Variants in NPHP3 observed in about 807,000 individuals in gnomAD.
The protein encoded by NPHP3 is nephrocystin 3, also known as nephrocystin-3.
In NPHP3, 123 loss-of-function variants were observed where a neutral mutation model predicts 171.9. The ratio of observed to expected loss-of-function variants is 0.72; its 90% CI spans 0.62 to 0.83. The LOEUF (loss-of-function observed/expected upper bound fraction) is 0.83. Among genes scored for constraint, NPHP3 ranks in the 40% least tolerant of loss-of-function variants. The probability of loss-of-function intolerance (pLI) is 0.00; values close to 1 mark genes in which losing one functional copy is unlikely to be tolerated. For synonymous variants in NPHP3, 558 were observed against 579.2 expected (o/e 0.96, Z 0.52); for missense variants, 1,506 against 1,591.9 (o/e 0.95, Z 0.92).
At chr3:132,682,969 GAGA>G in intron 25 of NPHP3, 151 bp from the exon 26 acceptor site, 1 of 652,922 alleles carries the variant, frequency 1.5e-6, no homozygotes, top group Non-Finnish European at 2.7e-6. Flanking sequence ...ATAATCATAG[GAGA>G]AGCAGTATAA....
Position 132,689,147 on chromosome 3 carries a change from T to C in NPHP3, c.2810A>G (p.Asp937Gly), listed in dbSNP as rs1231984938. 7.4e-6 allele frequency: 12 copies of C among 1,614,074 alleles called. No individual in the cohort carries two copies. The highest frequency in any genetic ancestry group is 9.3e-6 in the Non-Finnish European group (11 of 1,180,018). ...AAGATCAGCTAAGCAACTCATGTTGTCCTCGCCTTCGCAGTTTTTCTCATA... is the reference window on the plus strand; with the variant it reads ...AAGATCAGCTAAGCAACTCATGTTGCCCTCGCCTTCGCAGTTTTTCTCATA... ...KQYEKNCEGE[D>G]NMSCLADLYE... The change falls in exon 20 of 27, where the codon GAC (aspartate) becomes GGC (glycine). Residue 937 changes from aspartate (D) to glycine (G), a missense_variant. Around this residue, in one of 3 missense-constraint regions of NPHP3, gnomAD observed 569 missense variants for 648.1 expected, o/e 0.88. Coordinates refer to ENST00000337331, the MANE Select transcript of NPHP3 (RefSeq NM_153240.5).
chr3:132,682,564 C>A, intron 26 of NPHP3, 139 bp downstream of exon 26: 2 of 659,060 alleles, frequency 3.0e-6, no homozygotes, highest in South Asian at 1.8e-5. Flanking sequence ...TACTTCAGTA[C>A]TTCTTGAAGT....
Position 132,711,122 on chromosome 3 carries a change from C to T in NPHP3, c.1118+2004G>A, listed in dbSNP as rs539886818. On this transcript the variant is annotated intron_variant, in intron 6 of 26. Transcript: ENST00000337331. ...GAGCTTCCAAGCTGCTCAGGAGAGG[C>T]TTTTCTAGATTCATCTTTTGGGAAG... 2.0e-5 allele frequency among the ~76,000 whole-genome samples: 3 copies of T among 152,292 alleles called. No homozygotes were observed. The South Asian group carries it at 6.2e-4, about 32-fold the overall frequency.
At chr3:132,718,267 G>T in intron 3 of NPHP3, 1 of 295,856 alleles carries the variant, frequency 3.4e-6, no homozygotes, top group Non-Finnish European at 6.5e-6. Flanking sequence ...TCTTTTTTCA[G>T]TATCAATCAC....
chr3:132,702,023 C>T (rs1240355620), intron 9 of NPHP3, among the ~76,000 whole-genome samples: 1 of 151,596 alleles, frequency 6.6e-6, no homozygotes, highest in Non-Finnish European at 1.5e-5. Flanking sequence ...AAGACTCCGT[C>T]TCAAAACAAA....
At chr3:132,721,138 G>C (rs1390261464) in intron 1 of NPHP3, among the ~76,000 whole-genome samples, 1 of 151,862 alleles carries the variant, frequency 6.6e-6, no homozygotes, top group African/African-American at 2.4e-5. Context: ...GGCTGATCTC[G>C]AACTCCTGAC....
In NPHP3 at chr3:132,722,256, C is replaced by T; in HGVS notation, c.100G>A (p.Val34Met). 1.3e-6 allele frequency: 2 copies of T among 1,575,940 alleles called. No individual in the cohort carries two copies. Among genetic ancestry groups the T allele is most frequent in the Non-Finnish European group, 1.7e-6 (2 of 1,170,232 alleles). ...GGEACEIPVE[V>M]KPKARLLRNS... ...CGCAGCAGGCGGGCCTTGGGCTTCA[C>T]CTCCACCGGGATCTCGCAGGCCTCG... The change falls in exon 1 of 27, where the codon GTG becomes ATG. Residue 34 changes from valine (V) to methionine (M), a missense_variant. This residue lies in a region of NPHP3 where 930 missense variants were observed against 924.9 expected (regional missense o/e 1.01). Coordinates refer to ENST00000337331, the MANE Select transcript of NPHP3 (RefSeq NM_153240.5).
In NPHP3 at chr3:132,719,023, T is replaced by A. The variant is rs1469163983; in HGVS notation, c.641A>T (p.Asp214Val). Residue 214 changes from aspartate (D) to valine (V), a missense_variant, in exon 3 of 27, where the codon GAT (aspartate) becomes GTT (valine). Asp to Val is a radical substitution (Grantham distance 152). This residue lies in a region of NPHP3 where 930 missense variants were observed against 924.9 expected (regional missense o/e 1.01). Coordinates refer to ENST00000337331, the MANE Select transcript of NPHP3 (RefSeq NM_153240.5). ...GACATCTGTACAGTTGTCATCTGAA[T>A]CAGACTCCCCAGGATCAAATACTTG... ...GIQVFDPGES[D>V]SDDNCTDVTA... 1.2e-6 allele frequency: 2 copies of A among 1,614,050 alleles called. No individual in the cohort carries two copies. The highest frequency in any genetic ancestry group is 2.7e-5 in the African/African-American group (2 of 74,922).
intron 9 of NPHP3, 74 bp from the exon 10 acceptor site, chr3:132,701,607 A>G: frequency 1.1e-6 from 1 of 951,232 alleles, no homozygotes; most frequent in Non-Finnish European, 1.7e-6. Flanking sequence ...ACTTCTGATT[A>G]TTCTTTGAAA....
chr3:132,686,146 T>C (rs952908083), intron 23 of NPHP3, 114 bp downstream of exon 23: 29 of 1,069,858 alleles, frequency 2.7e-5, no homozygotes, highest in South Asian at 2.7e-4. Context: ...ACATGAAATT[T>C]TGCGTGGTTT....
chr3:132,718,839 G>C (rs1940125735), intron 3 of NPHP3, among the ~76,000 whole-genome samples, 155 bp downstream of exon 3: 1 of 152,234 alleles, frequency 6.6e-6, no homozygotes, highest in Non-Finnish European at 1.5e-5. Flanking sequence ...TGTCTTAGCA[G>C]CTGACAGAGA....
chr3:132,707,998 C>T, intron 7 of NPHP3, 103 bp downstream of exon 7: 1 of 1,110,150 alleles, frequency 9.0e-7, no homozygotes. Context: ...ACACTGGTTT[C>T]TCTCCCCTCC....
rs1268940938 is a variant in NPHP3 at position 132,680,767 on chromosome 3, A to G, written c.*1143T>C. On this transcript the variant is annotated 3_prime_UTR_variant, in exon 27 of 27. Transcript: ENST00000337331. ...CCAAAACAATATCTAAAATGTTGCA[A>G]TATTTATAAAATCCATAAAAATATT... is the stretch of plus-strand genomic sequence containing the variant. The G allele has an allele frequency of 6.6e-6, 1 of 152,214 alleles. No homozygotes were observed. Among genetic ancestry groups the G allele is most frequent in the East Asian group, 1.9e-4 (1 of 5,200 alleles). The allele number at this position is 152,214 out of a possible 1,614,324, so 9.4% of individuals were successfully genotyped here. A position where few individuals can be genotyped will look rare whatever the true frequency, so the allele number is the denominator to read the frequency against.
chr3:132,721,784 A>G (rs544876262), intron 1 of NPHP3, 179 bp downstream of exon 1: 2 of 873,008 alleles, frequency 2.3e-6, no homozygotes, highest in East Asian at 2.6e-5. Context: ...CCTGTCTCCA[A>G]AAAAAGAGAC....
intron 1 of NPHP3, among the ~76,000 whole-genome samples, chr3:132,720,053 T>G (rs1390177109): frequency 6.6e-6 from 1 of 152,202 alleles, no homozygotes; most frequent in African/African-American, 2.4e-5. Flanking sequence ...AGACCAACAT[T>G]AAGCTTTCAA....
chr3:132,718,588 A>T (rs574650827), intron 3 of NPHP3, among the ~76,000 whole-genome samples: 11 of 152,322 alleles, frequency 7.2e-5, no homozygotes, highest in African/African-American at 2.6e-4. Context: ...TGATTACACT[A>T]TCCAGTCTTC....
chr3:132,718,915 C>G (rs1399845308), intron 3 of NPHP3, 79 bp downstream of exon 3: 2 of 1,408,066 alleles, frequency 1.4e-6, no homozygotes, highest in Admixed American at 1.7e-5. Flanking sequence ...TAAAAGAAAT[C>G]TAGCAGAATT....
rs1210667662 is a variant in NPHP3 at position 132,690,613 on chromosome 3, G to A, written c.2608C>T (p.Pro870Ser). Reference sequence around the variant, plus strand: ...CTTCCCTGCTGCTGAAAAAGCCACGGGAGTTCATCTGCACTTCTCCAAGTC... The same window carrying A: ...CTTCCCTGCTGCTGAAAAAGCCACGAGAGTTCATCTGCACTTCTCCAAGTC... ...RVTWRSADELPWLFQQQGSKQ... is the reference protein window; with the variant it reads ...RVTWRSADELSWLFQQQGSKQ... Residue 870 changes from proline (P) to serine (S), a missense_variant, in exon 19 of 27, where the codon CCG (proline) becomes TCG (serine). Pro to Ser is a moderately conservative substitution (Grantham distance 74, BLOSUM62 -1). Transcript: ENST00000337331. 6.2e-7 allele frequency: 1 copy of A among 1,613,706 alleles called. No homozygotes were observed. The highest frequency in any genetic ancestry group is 1.7e-5 in the Admixed American group (1 of 60,004).
At chr3:132,721,146 G>T (rs1442227155) in intron 1 of NPHP3, among the ~76,000 whole-genome samples, 1 of 152,172 alleles carries the variant, frequency 6.6e-6, no homozygotes, top group African/African-American at 2.4e-5. Context: ...TCGAACTCCT[G>T]ACCTCAGGTG....
Sources: allele counts gnomAD v4.1 joint callset (sites outside exome capture counted in the v4.1 genomes callset), GRCh38; gene constraint gnomAD v4.1.1; regional missense constraint gnomAD v4.1.1; transcripts MANE v1.5; gene names NCBI Gene and HGNC (gene_info 2026-07-23, HGNC 2026-07-21).